Variants in MLLT3 observed in about 807,000 individuals in gnomAD.
The protein encoded by MLLT3 is protein AF-9.
In MLLT3, 4 loss-of-function variants were observed where a neutral mutation model predicts 53.2. That is an observed-to-expected ratio of 0.08 (90% CI 0.04 to 0.17). MLLT3 has a LOEUF of 0.17. MLLT3 is among the 10% of genes least tolerant of loss of function. MLLT3 has a pLI of 1.00. For missense variants in MLLT3, 569 were observed against 684.0 expected (o/e 0.83, Z 1.87); for synonymous variants, 283 against 230.6 (o/e 1.23, Z -2.06).
chr9:20,604,270 A>C (rs1820509589), intron 2 of MLLT3, among the ~76,000 whole-genome samples: 1 of 152,126 alleles, frequency 6.6e-6, no homozygotes, highest in African/African-American at 2.4e-5. Context: ...ACACTTATCC[A>C]AGATGAGATT....
intron 2 of MLLT3, among the ~76,000 whole-genome samples, chr9:20,619,684 C>A (rs1048073586): frequency 5.9e-5 from 9 of 152,188 alleles, no homozygotes; most frequent in African/African-American, 2.2e-4. Flanking sequence ...AACAACCAGA[C>A]ATTAGTTTTC....
At chr9:20,355,687 T>C (rs1180598385) in intron 8 of MLLT3, among the ~76,000 whole-genome samples, 1 of 152,250 alleles carries the variant, frequency 6.6e-6, no homozygotes, top group African/African-American at 2.4e-5. Flanking sequence ...AATTTATAAA[T>C]GATGAGTGCT....
At chr9:20,528,799 C>T (rs1818262407) in intron 2 of MLLT3, among the ~76,000 whole-genome samples, 1 of 152,122 alleles carries the variant, frequency 6.6e-6, no homozygotes, top group Non-Finnish European at 1.5e-5. Flanking sequence ...ATCCTTTTTC[C>T]AATAAGGTAA....
chr9:20,446,096 G>GAA (rs1304590649), intron 4 of MLLT3, among the ~76,000 whole-genome samples: 1 of 152,058 alleles, frequency 6.6e-6, no homozygotes, highest in Non-Finnish European at 1.5e-5. Context: ...CTTCCCATAT[G>GAA]AAATAGACAG....
intron 10 of MLLT3, among the ~76,000 whole-genome samples, chr9:20,352,641 G>C (rs1455891313): frequency 6.7e-6 from 1 of 149,846 alleles, no homozygotes; most frequent in Non-Finnish European, 1.5e-5. Context: ...GCAAGTTTGA[G>C]AGTATATATT....
At chr9:20,359,699 A>G (rs1587151667) in intron 8 of MLLT3, among the ~76,000 whole-genome samples, 2 of 152,352 alleles carry the variant, frequency 1.3e-5, no homozygotes, top group East Asian at 3.9e-4. Context: ...AAGTAACACA[A>G]AGACCACGGA....
chr9:20,404,415 C>A (rs562433400), intron 5 of MLLT3, among the ~76,000 whole-genome samples: 5 of 152,150 alleles, frequency 3.3e-5, no homozygotes, highest in Non-Finnish European at 2.9e-5. Context: ...GAACTAATAC[C>A]TGAATGGCAA....
chr9:20,356,196 G>A (rs997494752), intron 8 of MLLT3, among the ~76,000 whole-genome samples: 3 of 152,136 alleles, frequency 2.0e-5, no homozygotes, highest in African/African-American at 4.8e-5. Flanking sequence ...TGAGAATAAT[G>A]CACGAGTAAA....
At chr9:20,527,745 T>A (rs1818239364) in intron 2 of MLLT3, among the ~76,000 whole-genome samples, 1 of 152,194 alleles carries the variant, frequency 6.6e-6, no homozygotes, top group South Asian at 2.1e-4. Context: ...TCTTATATAA[T>A]GCATTTCAAA....
intron 4 of MLLT3, among the ~76,000 whole-genome samples, chr9:20,443,108 AGGAG>A (rs1256226031): frequency 6.6e-6 from 1 of 151,874 alleles, no homozygotes; most frequent in East Asian, 1.9e-4. Flanking sequence ...GAAGGAAGGA[AGGAG>A]GGAGGGAGAG....
At chr9:20,413,694 G>A (rs1243151550) in intron 5 of MLLT3, 27 bp downstream of exon 5, 2 of 1,516,676 alleles carry the variant, frequency 1.3e-6, no homozygotes, top group African/African-American at 2.8e-5. Context: ...ATAAGGGAAA[G>A]GAAGAAAGCC....
chr9:20,620,293 A>ACACACACGCGCG lies in MLLT3; in HGVS notation c.193+360_193+361insCGCGCGTGTGTG, dbSNP rs1176274864. Reference sequence around the variant, plus strand: ...CACACACACACACACACACACACACACGCGCAAAGTGTTTATTCCCTCCAG... The same window carrying ACACACACGCGCG: ...CACACACACACACACACACACACACACACACACGCGCGCGCGCAAAGTGTTTATTCCCTCCAG... On this transcript the variant is annotated intron_variant, in intron 2 of 10. Coordinates refer to ENST00000380338, the MANE Select transcript of MLLT3 (RefSeq NM_004529.4). The surrounding 1 kb of genome is among the most constrained non-coding windows in gnomAD (Gnocchi z 6.1). 6.9e-6 allele frequency among the ~76,000 whole-genome samples: 1 copy of ACACACACGCGCG among 145,962 alleles called. No homozygotes were observed. Among genetic ancestry groups the ACACACACGCGCG allele is most frequent in the African/African-American group, 2.5e-5 (1 of 39,816 alleles).
Position 20,344,260 on chromosome 9 carries a change from A to G in MLLT3, c.*2183T>C, listed in dbSNP as rs967047944. 35 of 198,750 alleles carry G rather than the reference A, an allele frequency of 1.8e-4. No individual in the cohort carries two copies. Among genetic ancestry groups the G allele is most frequent in the African/African-American group, 8.1e-4 (35 of 43,390 alleles). 12.3% of individuals were successfully genotyped at this position (198,750 alleles called of 1,614,324 possible). On this transcript the variant is annotated 3_prime_UTR_variant, in exon 11 of 11. Coordinates refer to ENST00000380338, the MANE Select transcript of MLLT3 (RefSeq NM_004529.4). The stretch of plus-strand genomic sequence containing the variant: ...GGCAAATCATATTTTTTGCCCCACA[A>G]TTTAGTTACAGAAATAAAAATGGCC...
chr9:20,514,417 G>C (rs1817847522), intron 2 of MLLT3, among the ~76,000 whole-genome samples: 2 of 152,042 alleles, frequency 1.3e-5, no homozygotes, highest in Admixed American at 6.5e-5. Context: ...GCAGGCCTCT[G>C]GACTGTAAAC....
intron 5 of MLLT3, among the ~76,000 whole-genome samples, chr9:20,402,010 T>TA (rs1160211515): frequency 6.6e-6 from 1 of 152,072 alleles, no homozygotes; most frequent in African/African-American, 2.4e-5. Context: ...TGGTAACAGG[T>TA]GATTGTCCAG....
chr9:20,593,038 G>A (rs2131188438), intron 2 of MLLT3, among the ~76,000 whole-genome samples: 1 of 152,212 alleles, frequency 6.6e-6, no homozygotes, highest in Middle Eastern at 3.4e-3. Flanking sequence ...CATTTTTGAT[G>A]ACCATGCCCA....
At chr9:20,550,749 ATTTAT>A (rs1337597122) in intron 2 of MLLT3, among the ~76,000 whole-genome samples, 4 of 151,752 alleles carry the variant, frequency 2.6e-5, no homozygotes, top group Non-Finnish European at 4.4e-5. Flanking sequence ...ACAAAGTCTT[ATTTAT>A]TTTATTTATT....
intron 10 of MLLT3, among the ~76,000 whole-genome samples, chr9:20,349,561 T>C (rs1475015206): frequency 2.0e-5 from 3 of 152,158 alleles, no homozygotes; most frequent in African/African-American, 7.2e-5. Context: ...ACTCATTCTT[T>C]TAAGAAAACA....
intron 2 of MLLT3, among the ~76,000 whole-genome samples, chr9:20,575,221 T>G (rs961683788): frequency 2.0e-5 from 3 of 152,174 alleles, no homozygotes; most frequent in Non-Finnish European, 4.4e-5. Context: ...TCTGACCTCC[T>G]CCAATGAATC....
Sources: gnomAD v4.1 joint callset for allele counts (sites outside exome capture counted in the v4.1 genomes callset) on GRCh38, gnomAD v4.1.1 for gene constraint, Gnocchi (gnomAD v3.1) non-coding constraint, MANE v1.5 for transcripts, NCBI Gene and HGNC (gene_info 2026-07-23, HGNC 2026-07-21) for gene names.